The following TCTN1 variants were observed in gnomAD, a reference collection of about 807,000 sequenced individuals.
TCTN1 encodes the protein tectonic-1.
TCTN1 carries 58 observed loss-of-function variants against 65.8 expected under a neutral mutation model. That is an observed-to-expected ratio of 0.88 (90% CI 0.71 to 1.10). TCTN1 has a LOEUF of 1.10. TCTN1 is among the 50% of genes least tolerant of loss of function. TCTN1 has a pLI of 0.00. For synonymous variants in TCTN1, 273 were observed against 289.1 expected (o/e 0.94, Z 0.57); for missense variants, 645 against 719.4 (o/e 0.90, Z 1.18).
At chr12:110,634,596 A>T in intron 5 of TCTN1, 74 bp from the exon 6 acceptor site, 1 of 1,167,408 alleles carries the variant, frequency 8.6e-7, no homozygotes, top group Non-Finnish European at 1.2e-6. Flanking sequence ...AAAACTTTTT[A>T]GTTGCCATTG....
intron 3 of TCTN1, 48 bp from the exon 4 acceptor site, chr12:110,628,719 T>C: frequency 6.8e-7 from 1 of 1,461,724 alleles, no homozygotes; most frequent in Non-Finnish European, 9.4e-7. Flanking sequence ...ATACATATTA[T>C]ACATATATTT....
intron 5 of TCTN1, among the ~76,000 whole-genome samples, chr12:110,632,941 T>A (rs1210254049): frequency 6.6e-6 from 1 of 152,186 alleles, no homozygotes. Context: ...ATTAAGCACA[T>A]ATTGTGTGCT....
Position 110,645,114 on chromosome 12 carries a change from G to T in TCTN1, c.1479G>T (p.Gln493His). The change falls in exon 12 of 15, where the codon CAG becomes CAT. Residue 493 changes from glutamine (Q) to histidine (H), a missense_variant. Coordinates refer to ENST00000397659, the MANE Select transcript of TCTN1 (RefSeq NM_001082538.3). ...GGGTGCCCATCCACTTCATCACCCA[G>T]TCATTCAACAGGAAGGTAAAGGGGA... is the stretch of plus-strand genomic sequence containing the variant. ...LDWVPIHFIT[Q>H]SFNRKHFVLQ... The T allele has an allele frequency of 1.9e-6, 3 of 1,614,062 alleles. No individual in the cohort carries two copies. The highest frequency in any genetic ancestry group is 2.5e-6 in the Non-Finnish European group (3 of 1,179,992).
rs555540966 is a variant in TCTN1, at chr12:110,642,127, A to G, written c.1191-122A>G. The G allele has an allele frequency of 4.7e-5, 62 of 1,329,254 alleles. No homozygotes were observed. In the African/African-American group the frequency reaches 8.3e-4, roughly 18 times the overall value. The allele number at this position is 1,329,254 out of a possible 1,614,324, so 82.3% of individuals were successfully genotyped here. On this transcript the variant is annotated intron_variant, in intron 10 of 14. Transcript: ENST00000397659. The stretch of plus-strand genomic sequence containing the variant: ...CTGCTCCTGGGAAATAGCTGTCAAA[A>G]TCCCAGAGGCCCAGAAAAAGTGTAT...
At chr12:110,630,821 G>A (rs1273714901) in intron 4 of TCTN1, among the ~76,000 whole-genome samples, 1 of 152,160 alleles carries the variant, frequency 6.6e-6, no homozygotes, top group Non-Finnish European at 1.5e-5. Flanking sequence ...CATTTTCCAT[G>A]TGCCAGGCAC....
Position 110,644,707 on chromosome 12 carries a change from C to T in TCTN1, c.1332-260C>T, listed in dbSNP as rs148736653. 1.7e-3 allele frequency: 840 copies of T among 499,766 alleles called. 7 individuals carry two copies. The highest frequency in any genetic ancestry group is 0.015 in the African/African-American group (764 of 51,466). 31.0% of individuals were successfully genotyped at this position (499,766 alleles called of 1,614,324 possible). A position where few individuals can be genotyped will look rare whatever the true frequency, so the allele number is the denominator to read the frequency against. ...AAAACAAAAAAACCAAAAATCAAAA[C>T]TTAAAAAACAAAAAACTGCTGGTGG... On this transcript the variant is annotated intron_variant, in intron 11 of 14. Coordinates refer to ENST00000397659, the MANE Select transcript of TCTN1 (RefSeq NM_001082538.3). This position sits in a 1 kb window ranked among gnomAD's most constrained non-coding sequence, Gnocchi z 4.6.
In TCTN1 at chr12:110,633,258, A is replaced by G. The variant is rs141530242; in HGVS notation, c.712+699A>G. 2.0e-5 allele frequency among the ~76,000 whole-genome samples: 3 copies of G among 152,338 alleles called. No individual in the cohort carries two copies. The East Asian group carries it at 5.8e-4, about 29-fold the overall frequency. On this transcript the variant is annotated intron_variant, in intron 5 of 14. Transcript: ENST00000397659. ...TCACTATGAAGAAGCTAAGTAATGGACGATAGGAATGTATTCTGTATTCTG... is the reference window on the plus strand; with the variant it reads ...TCACTATGAAGAAGCTAAGTAATGGGCGATAGGAATGTATTCTGTATTCTG...
At chr12:110,625,405 A>G (rs955443868) in intron 2 of TCTN1, among the ~76,000 whole-genome samples, 3 of 152,182 alleles carry the variant, frequency 2.0e-5, no homozygotes, top group Non-Finnish European at 4.4e-5. Context: ...ATACAGGTGC[A>G]TGCTACTGTG....
In TCTN1 at chr12:110,623,319, T is replaced by G. The variant is rs986666041; in HGVS notation, c.342-3043T>G. On this transcript the variant is annotated intron_variant, in intron 2 of 14. Coordinates refer to ENST00000397659, the MANE Select transcript of TCTN1 (RefSeq NM_001082538.3). ...GCCATTGCCGTTCTTGCACTTGGAT[T>G]TGCTTCCCATTCCTACTGTCTGTCT... 2.0e-5 allele frequency among the ~76,000 whole-genome samples: 3 copies of G among 152,194 alleles called. 1 individual carries two copies. The highest frequency in any genetic ancestry group is 7.2e-5 in the African/African-American group (3 of 41,450).
intron 2 of TCTN1, among the ~76,000 whole-genome samples, chr12:110,624,773 G>A (rs575496704): frequency 6.6e-6 from 1 of 151,594 alleles, no homozygotes; most frequent in African/African-American, 2.4e-5. Context: ...GTAGAGACAG[G>A]GTTTCGCCAT....
At position 110,632,464 on chromosome 12, in the gene TCTN1, G is replaced by A; in HGVS notation, c.625-8G>A. On this transcript the variant is annotated splice_region_variant and splice_polypyrimidine_tract_variant and intron_variant, in intron 4 of 14. Transcript: ENST00000397659. Reference sequence around the variant, plus strand: ...CACCATAACGACTGTTGGTTGTTGTGTTTGCAGTATGGGGTTCCTCTGCAG... The same window carrying A: ...CACCATAACGACTGTTGGTTGTTGTATTTGCAGTATGGGGTTCCTCTGCAG... 1.9e-6 allele frequency: 3 copies of A among 1,613,772 alleles called. No individual in the cohort carries two copies. Among genetic ancestry groups the A allele is most frequent in the Non-Finnish European group, 2.5e-6 (3 of 1,179,756 alleles).
chr12:110,629,570 G>A (rs1319015654), intron 4 of TCTN1: 1 of 152,210 alleles, frequency 6.6e-6, no homozygotes, highest in Non-Finnish European at 1.5e-5. Flanking sequence ...TTAGAATGAC[G>A]ATTATTAAGA....
intron 3 of TCTN1, chr12:110,627,900 T>G (rs1431426522): frequency 1.0e-5 from 7 of 675,824 alleles, no homozygotes; most frequent in Non-Finnish European, 1.7e-5. Context: ...TTTATAGATT[T>G]TGGTTTTGTT....
At chr12:110,619,158 A>T (rs2065249846) in intron 1 of TCTN1, among the ~76,000 whole-genome samples, 1 of 152,086 alleles carries the variant, frequency 6.6e-6, no homozygotes, top group East Asian at 1.9e-4. Flanking sequence ...AGCCTGGGCA[A>T]CAAGAGCCGA....
chr12:110,617,964 T>C (rs2065161791), intron 1 of TCTN1, among the ~76,000 whole-genome samples: 1 of 152,002 alleles, frequency 6.6e-6, no homozygotes, highest in Non-Finnish European at 1.5e-5. Flanking sequence ...TTTCTAAAGC[T>C]CCTTTTTATC....
intron 9 of TCTN1, 94 bp from the exon 10 acceptor site, chr12:110,641,448 A>C: frequency 8.0e-7 from 1 of 1,252,962 alleles, no homozygotes; most frequent in Non-Finnish European, 1.2e-6. Flanking sequence ...TTGGTTGGTA[A>C]TTCCATATTT....
intron 1 of TCTN1, among the ~76,000 whole-genome samples, chr12:110,618,673 ATCT>A (rs566597734): frequency 1.1e-4 from 16 of 152,250 alleles, no homozygotes; most frequent in Middle Eastern, 3.4e-3. Context: ...CTGGTTTGAA[ATCT>A]TCTTTTGAAA....
rs141396411 is a variant in TCTN1 at position 110,649,327 on chromosome 12, G to A, written c.*286G>A. The A allele has an allele frequency of 1.8e-4, 193 of 1,085,690 alleles. 1 individual carries two copies. In the African/African-American group the frequency reaches 2.5e-3, roughly 14 times the overall value. 67.3% of individuals were successfully genotyped at this position (1,085,690 alleles called of 1,614,324 possible). A position where few individuals can be genotyped will look rare whatever the true frequency, so the allele number is the denominator to read the frequency against. ...TATCAAACCAAACCTCTCACCAAGC[G>A]GCCCAGGAGGGGCAGCTGTTCCTCT... is the stretch of plus-strand genomic sequence containing the variant. On this transcript the variant is annotated 3_prime_UTR_variant, in exon 15 of 15. Transcript: ENST00000397659.
At chr12:110,634,602 C>T (rs1419112921) in intron 5 of TCTN1, 68 bp from the exon 6 acceptor site, 2 of 1,265,646 alleles carry the variant, frequency 1.6e-6, no homozygotes, top group Admixed American at 4.5e-5. Flanking sequence ...TTTTAGTTGC[C>T]ATTGGAAAAT....
Sources: gnomAD v4.1 joint callset for allele counts (sites outside exome capture counted in the v4.1 genomes callset) on GRCh38, gnomAD v4.1.1 for gene constraint, Gnocchi (gnomAD v3.1) non-coding constraint, MANE v1.5 for transcripts, NCBI Gene and HGNC (gene_info 2026-07-23, HGNC 2026-07-21) for gene names.